SKIC3: variants seen among roughly 807,000 people sequenced by gnomAD.
The protein encoded by SKIC3 is superkiller complex protein 3.
chr5:95,509,570 C>T, the SKIC3 span: 1 of 1,543,150 alleles, frequency 6.5e-7, no homozygotes, highest in South Asian at 1.1e-5. Context: ...CCTCCTGCAT[C>T]TATCACAATT....
At chr5:95,493,770 G>C in the SKIC3 span, among the ~76,000 whole-genome samples, 4 of 151,648 alleles carry the variant, frequency 2.6e-5, no homozygotes, top group African/African-American at 9.7e-5. Flanking sequence ...TAACACATCT[G>C]AAGAGTTAAA....
chr5:95,553,656 T>C, the SKIC3 span, among the ~76,000 whole-genome samples: 1 of 152,008 alleles, frequency 6.6e-6, no homozygotes, highest in South Asian at 2.1e-4. Context: ...ACCTCCTGGG[T>C]TCAAGTGATT....
the SKIC3 span, chr5:95,529,966 TGCAG>T: frequency 8.6e-7 from 1 of 1,157,930 alleles, no homozygotes; most frequent in East Asian, 2.4e-5. Context: ...GTCCAAGGTA[TGCAG>T]GTACATTTTT....
the SKIC3 span, chr5:95,498,491 A>C: frequency 6.2e-7 from 1 of 1,614,138 alleles, no homozygotes; most frequent in Non-Finnish European, 8.5e-7. Context: ...TGCTTCAGTA[A>C]CTCATTAAGT....
the SKIC3 span, among the ~76,000 whole-genome samples, chr5:95,518,713 T>C: frequency 6.6e-6 from 1 of 152,056 alleles, no homozygotes; most frequent in Admixed American, 6.6e-5. Flanking sequence ...TCATCTGTTG[T>C]TGAATATCTA....
At chr5:95,515,075 A>C in the SKIC3 span, 2 of 729,780 alleles carry the variant, frequency 2.7e-6, no homozygotes, top group Non-Finnish European at 4.6e-6. Context: ...GCAATGCTTA[A>C]AGCAGTGTTT....
the SKIC3 span, among the ~76,000 whole-genome samples, chr5:95,515,405 A>T: frequency 6.6e-6 from 1 of 152,158 alleles, no homozygotes; most frequent in African/African-American, 2.4e-5. Context: ...AACTTCAAAA[A>T]TATCTAATTT....
chr5:95,464,770 G>A, the SKIC3 span: 13 of 1,078,256 alleles, frequency 1.2e-5, no homozygotes, highest in Admixed American at 5.9e-5. Flanking sequence ...ATCCAAGGGC[G>A]GCAGTCTTGA....
the SKIC3 span, among the ~76,000 whole-genome samples, chr5:95,552,657 T>C: frequency 6.6e-6 from 1 of 152,130 alleles, no homozygotes; most frequent in East Asian, 1.9e-4. Context: ...CGGAACTCAG[T>C]ATTCTAGAGG....
the SKIC3 span, among the ~76,000 whole-genome samples, chr5:95,474,051 T>A: frequency 1.2e-4 from 19 of 152,350 alleles, no homozygotes; most frequent in African/African-American, 4.3e-4. Context: ...GTCTTGCATT[T>A]AAATCTTTAA....
chr5:95,531,001 A>G, the SKIC3 span, among the ~76,000 whole-genome samples: 5 of 152,102 alleles, frequency 3.3e-5, no homozygotes, highest in African/African-American at 9.7e-5. Flanking sequence ...TTAATCACAT[A>G]GGAGAATTCT....
At chr5:95,516,459 A>AAAGTCT in the SKIC3 span, 3 of 1,612,360 alleles carry the variant, frequency 1.9e-6, no homozygotes, top group African/African-American at 2.7e-5. Context: ...TGTCTAGTTG[A>AAAGTCT]AAGTCTCAGA....
At chr5:95,523,000 T>A in the SKIC3 span, among the ~76,000 whole-genome samples, 2 of 152,176 alleles carry the variant, frequency 1.3e-5, no homozygotes, top group Non-Finnish European at 2.9e-5. Context: ...TTCACTAATC[T>A]GGCTATCTCC....
At chr5:95,472,277 T>C in the SKIC3 span, among the ~76,000 whole-genome samples, 1 of 152,184 alleles carries the variant, frequency 6.6e-6, no homozygotes, top group Admixed American at 6.5e-5. Flanking sequence ...TTCCTCCCTA[T>C]AGCACAAGGA....
the SKIC3 span, among the ~76,000 whole-genome samples, chr5:95,481,525 A>G: frequency 6.6e-6 from 1 of 152,152 alleles, no homozygotes; most frequent in Admixed American, 6.5e-5. Context: ...CTTATGATAT[A>G]ATTTATCCTT....
chr5:95,469,963 A>T, the SKIC3 span: 1 of 1,597,640 alleles, frequency 6.3e-7, no homozygotes, highest in South Asian at 1.1e-5. Context: ...ATTTATTTGA[A>T]AAGTATTCAA....
At chr5:95,514,473 A>C in the SKIC3 span, among the ~76,000 whole-genome samples, 1 of 152,182 alleles carries the variant, frequency 6.6e-6, no homozygotes, top group Non-Finnish European at 1.5e-5. Context: ...GATCTTTGTA[A>C]ATGTGCATTT....
the SKIC3 span, chr5:95,507,049 A>G: frequency 6.8e-5 from 107 of 1,573,454 alleles, no homozygotes; most frequent in Non-Finnish European, 8.7e-5. Context: ...ATCTCTGTGC[A>G]ATAGCATTCT....
At chr5:95,546,235 G>A in the SKIC3 span, among the ~76,000 whole-genome samples, 16 of 150,858 alleles carry the variant, frequency 1.1e-4, no homozygotes, top group Middle Eastern at 3.5e-3. Flanking sequence ...AACTACAGCG[G>A]AGTTCACTAA....
Sources: allele counts gnomAD v4.1 joint callset (sites outside exome capture counted in the v4.1 genomes callset), GRCh38; gene constraint gnomAD v4.1.1; transcripts MANE v1.5; gene names NCBI Gene and HGNC (gene_info 2026-07-23, HGNC 2026-07-21).